The following C3orf20 variants were observed in gnomAD, a reference collection of about 807,000 sequenced individuals.
C3orf20 encodes the protein family with sequence similarity 149 member C, also known as uncharacterized protein C3orf20.
In C3orf20, 76 loss-of-function variants were observed where a neutral mutation model predicts 88.3. The observed-to-expected ratio is 0.86, with a 90% CI of 0.72 to 1.04. C3orf20 has a LOEUF of 1.04. Ranked by LOEUF, C3orf20 falls within the 50% of genes least tolerant of loss-of-function variation. The probability of loss-of-function intolerance (pLI) is 0.00; values close to 1 mark genes in which losing one functional copy is unlikely to be tolerated. For missense variants in C3orf20, 1,056 were observed against 1,123.3 expected, an observed-to-expected ratio of 0.94 and a Z score of 0.86; for synonymous variants, 436 against 437.4, an observed-to-expected ratio of 1.00 and a Z score of 0.04.
chr3:14,744,593 G>A lies in C3orf20; in HGVS notation c.1941-12778G>A, dbSNP rs1240248995. 2.0e-5 allele frequency among the ~76,000 whole-genome samples: 3 copies of A among 151,910 alleles called. No homozygotes were observed. In the East Asian group the frequency reaches 5.8e-4, roughly 29 times the overall value. ...TGTATTAGTTCGTTTTCACACTGCT[G>A]ATAAAAACATACTCGAAACTGGGAA... On this transcript the variant is annotated intron_variant, in intron 12 of 16. Coordinates refer to ENST00000253697, the MANE Select transcript of C3orf20 (RefSeq NM_032137.5).
intron 4 of C3orf20, among the ~76,000 whole-genome samples, chr3:14,685,124 A>G (rs760380999): frequency 2.2e-4 from 33 of 152,252 alleles, no homozygotes; most frequent in Non-Finnish European, 2.9e-5. Context: ...AGGTCCATTT[A>G]GACAGTGGGA....
rs773111510 is a variant in C3orf20, at chr3:14,757,468, C to T, written c.2038C>T (p.Arg680Cys). The stretch of plus-strand genomic sequence containing the variant: ...GAAGCTCATGCTCAAGGAAGACACC[C>T]GTGCTGGCTGCAAGTGCCTGGTGAA... ...LRKLMLKEDT[R>C]AGCKCLVKAP... The change falls in exon 13 of 17, where the codon CGT becomes TGT. Residue 680 changes from arginine to cysteine, a missense_variant. By Grantham distance (180) the Arg-to-Cys change is radical. Transcript: ENST00000253697. 3.7e-5 allele frequency: 60 copies of T among 1,613,164 alleles called. No homozygotes were observed. The South Asian group carries it at 5.5e-4, about 15-fold the overall frequency.
At chr3:14,751,610 G>C (rs1344708672) in intron 12 of C3orf20, among the ~76,000 whole-genome samples, 1 of 152,168 alleles carries the variant, frequency 6.6e-6, no homozygotes, top group Non-Finnish European at 1.5e-5. Flanking sequence ...ATCTCCTTAA[G>C]CTGATAAGCA....
intron 12 of C3orf20, among the ~76,000 whole-genome samples, chr3:14,740,627 T>C (rs1254327967): frequency 6.6e-6 from 1 of 152,190 alleles, no homozygotes; most frequent in Non-Finnish European, 1.5e-5. Context: ...CAACATGCAG[T>C]AAAGTGGAGC....
chr3:14,730,305 T>C (rs1338440301), intron 12 of C3orf20, among the ~76,000 whole-genome samples: 1 of 152,160 alleles, frequency 6.6e-6, no homozygotes, highest in African/African-American at 2.4e-5. Context: ...CCCAGCACTT[T>C]GGGAGGCCGA....
chr3:14,690,218 G>T (rs934157746), intron 5 of C3orf20, 102 bp downstream of exon 5: 1 of 1,513,602 alleles, frequency 6.6e-7, no homozygotes, highest in Admixed American at 1.8e-5. Flanking sequence ...GGTTTGATTT[G>T]GTCTTCTGAT....
chr3:14,715,252 G>A, intron 8 of C3orf20, 37 bp from the exon 9 acceptor site: 3 of 1,599,942 alleles, frequency 1.9e-6, no homozygotes, highest in African/African-American at 1.3e-5. Flanking sequence ...TCCTTCAGGG[G>A]CCCGGTGGCA....
At chr3:14,711,368 T>C (rs2033730691) in intron 7 of C3orf20, among the ~76,000 whole-genome samples, 1 of 152,178 alleles carries the variant, frequency 6.6e-6, no homozygotes, top group South Asian at 2.1e-4. Flanking sequence ...ATCTCTATAA[T>C]TGTTACATAT....
intron 13 of C3orf20, among the ~76,000 whole-genome samples, chr3:14,758,838 C>G (rs2035468499): frequency 6.6e-6 from 1 of 152,012 alleles, no homozygotes; most frequent in South Asian, 2.1e-4. Context: ...TCACTTGTCC[C>G]ATACAGCAAA....
Position 14,768,968 on chromosome 3 carries a change from T to C in C3orf20, c.2496-3099T>C, listed in dbSNP as rs1402823652. Among the ~76,000 whole-genome samples the C allele has an allele frequency of 6.6e-6, 1 of 152,080 alleles. No homozygotes were observed. The highest frequency in any genetic ancestry group is 2.4e-5 in the African/African-American group (1 of 41,328). ...CACTGTCAGCAGGGACATGTGTTCCTGTCACCCCAGCAGGACAGCTGTGTG... is the reference window on the plus strand; with the variant it reads ...CACTGTCAGCAGGGACATGTGTTCCCGTCACCCCAGCAGGACAGCTGTGTG... On this transcript the variant is annotated intron_variant, in intron 15 of 16. Transcript: ENST00000253697. This position sits in a 1 kb window ranked among gnomAD's most constrained non-coding sequence, Gnocchi z 4.1.
At chr3:14,702,087 A>G (rs759859711) in intron 5 of C3orf20, among the ~76,000 whole-genome samples, 1 of 152,158 alleles carries the variant, frequency 6.6e-6, no homozygotes, top group Non-Finnish European at 1.5e-5. Context: ...ATAAAGACAC[A>G]TCCAAGACTG....
chr3:14,754,426 G>T (rs1240492378), intron 12 of C3orf20, among the ~76,000 whole-genome samples: 1 of 152,216 alleles, frequency 6.6e-6, no homozygotes, highest in Non-Finnish European at 1.5e-5. Context: ...CAGGAACAGG[G>T]GCTGTCATTC....
chr3:14,692,253 G>C (rs533649361), intron 5 of C3orf20, among the ~76,000 whole-genome samples: 1 of 152,230 alleles, frequency 6.6e-6, no homozygotes, highest in South Asian at 2.1e-4. Flanking sequence ...GTTCTTTCAG[G>C]TATATACCTA....
At chr3:14,718,784 T>A (rs984283637) in intron 9 of C3orf20, among the ~76,000 whole-genome samples, 6 of 152,246 alleles carry the variant, frequency 3.9e-5, no homozygotes, top group Non-Finnish European at 8.8e-5. Context: ...TTTTTATGTT[T>A]GTTTGTTTCT....
intron 4 of C3orf20, among the ~76,000 whole-genome samples, chr3:14,689,153 T>C (rs1402074189): frequency 6.6e-6 from 1 of 152,174 alleles, no homozygotes; most frequent in Admixed American, 6.5e-5. Context: ...GCAGGGTTGA[T>C]GGGTTTTATT....
At chr3:14,687,904 A>G (rs895990139) in intron 4 of C3orf20, among the ~76,000 whole-genome samples, 2 of 152,164 alleles carry the variant, frequency 1.3e-5, no homozygotes, top group Non-Finnish European at 2.9e-5. Context: ...CTGCTGCACC[A>G]GCCGATTGCT....
At chr3:14,719,737 G>A (rs1559418706) in intron 9 of C3orf20, among the ~76,000 whole-genome samples, 2 of 152,168 alleles carry the variant, frequency 1.3e-5, no homozygotes, top group Non-Finnish European at 2.9e-5. Context: ...AATGAAAGCT[G>A]TACTATGCTA....
At chr3:14,764,478 C>T (rs1368088940) in intron 15 of C3orf20, among the ~76,000 whole-genome samples, 2 of 129,610 alleles carry the variant, frequency 1.5e-5, no homozygotes, top group Non-Finnish European at 3.5e-5. Context: ...ACAACACAAT[C>T]GTTTATTATT....
chr3:14,737,991 A>G (rs1008714765), intron 12 of C3orf20, among the ~76,000 whole-genome samples: 2 of 152,134 alleles, frequency 1.3e-5, no homozygotes, highest in Admixed American at 6.5e-5. Context: ...ATTCGGTCAC[A>G]TCTTCAGCCT....
Sources: allele counts gnomAD v4.1 joint callset (sites outside exome capture counted in the v4.1 genomes callset), GRCh38; gene constraint gnomAD v4.1.1; non-coding constraint Gnocchi (gnomAD v3.1); transcripts MANE v1.5; gene names NCBI Gene and HGNC (gene_info 2026-07-23, HGNC 2026-07-21).